The following FHIT variants were observed in gnomAD, a reference collection of about 807,000 sequenced individuals.
The protein encoded by FHIT is bis(5'-adenosyl)-triphosphatase.
Under a neutral mutation model 17.9 loss-of-function variants are expected in FHIT, and 19 were observed. That is an observed-to-expected ratio of 1.06 (90% CI 0.74 to 1.56). FHIT has a LOEUF of 1.56. FHIT is among the 40% of genes most tolerant of loss of function. FHIT has a pLI of 0.00. For synonymous variants in FHIT, 81 were observed against 69.7 expected, an observed-to-expected ratio of 1.16 and a Z score of -0.81; for missense variants, 248 against 189.2, an observed-to-expected ratio of 1.31 and a Z score of -1.82.
chr3:61,099,371 C>T (rs2106842633), intron 2 of FHIT, among the ~76,000 whole-genome samples: 1 of 150,762 alleles, frequency 6.6e-6, no homozygotes, highest in Admixed American at 6.6e-5. Context: ...GGATATTGGC[C>T]TGCAGTTTTT....
At chr3:60,566,615 C>G (rs528530781) in intron 4 of FHIT, among the ~76,000 whole-genome samples, 3 of 152,014 alleles carry the variant, frequency 2.0e-5, no homozygotes, top group African/African-American at 7.2e-5. Context: ...CCAGGGCAAT[C>G]AGGCAGGAGA....
intron 4 of FHIT, among the ~76,000 whole-genome samples, chr3:60,788,692 T>C (rs1005094602): frequency 6.6e-6 from 1 of 152,144 alleles, no homozygotes; most frequent in Non-Finnish European, 1.5e-5. Flanking sequence ...TAAGTGAATA[T>C]TCCTACTCCA....
chr3:60,252,115 T>C (rs182195082), intron 5 of FHIT, among the ~76,000 whole-genome samples: 174 of 152,344 alleles, frequency 1.1e-3, no homozygotes, highest in African/African-American at 4.0e-3. Flanking sequence ...GCAAGCATAT[T>C]AATGTATTAA....
chr3:60,721,912 G>C (rs1011959221), intron 4 of FHIT, among the ~76,000 whole-genome samples: 8 of 152,140 alleles, frequency 5.3e-5, no homozygotes, highest in African/African-American at 1.7e-4. Flanking sequence ...ATGGTAATAT[G>C]TACTTCATGC....
chr3:60,789,175 T>C (rs11706267), intron 4 of FHIT, among the ~76,000 whole-genome samples: 4 of 102,688 alleles, frequency 3.9e-5, no homozygotes, highest in Admixed American at 3.0e-4. Context: ...TATATATATA[T>C]AGAGAGAGAG....
At chr3:61,207,682 T>A (rs1194406363) in intron 1 of FHIT, among the ~76,000 whole-genome samples, 1 of 152,216 alleles carries the variant, frequency 6.6e-6, no homozygotes, top group Non-Finnish European at 1.5e-5. Context: ...TTATCATTTT[T>A]ATTGTGTCTA....
chr3:60,372,784 T>C (rs7636619), intron 5 of FHIT, among the ~76,000 whole-genome samples: 52,033 of 152,064 alleles, frequency 0.34, 9,319 homozygotes, highest in Non-Finnish European at 0.4. Flanking sequence ...TCACAGACTT[T>C]TTTTTTAAAA....
chr3:60,823,202 T>C (rs1029078775), intron 3 of FHIT, among the ~76,000 whole-genome samples: 1 of 152,054 alleles, frequency 6.6e-6, no homozygotes, highest in Non-Finnish European at 1.5e-5. Context: ...ACAAAATACA[T>C]ATGTAAAATA....
chr3:61,245,286 G>T (rs571589351), intron 1 of FHIT, among the ~76,000 whole-genome samples: 9 of 152,014 alleles, frequency 5.9e-5, no homozygotes, highest in Admixed American at 2.0e-4. Context: ...AGAAATTATC[G>T]CCCCCATTTC....
At chr3:61,157,743 T>G (rs908609439) in intron 2 of FHIT, among the ~76,000 whole-genome samples, 2 of 152,192 alleles carry the variant, frequency 1.3e-5, no homozygotes, top group Admixed American at 6.5e-5. Context: ...TTCTCACATA[T>G]GTACCAGGAA....
intron 4 of FHIT, among the ~76,000 whole-genome samples, chr3:60,677,604 GTA>G (rs1303142926): frequency 6.8e-6 from 1 of 147,232 alleles, no homozygotes; most frequent in African/African-American, 2.5e-5. Flanking sequence ...TGGTGTGTGT[GTA>G]TATATGTGTA....
At chr3:60,304,315 C>T (rs976364368) in intron 5 of FHIT, among the ~76,000 whole-genome samples, 12 of 151,990 alleles carry the variant, frequency 7.9e-5, no homozygotes, top group Admixed American at 1.3e-4. Context: ...AGAAAGATTC[C>T]TTTACTTTTA....
At chr3:60,689,300 C>G (rs568297840) in intron 4 of FHIT, among the ~76,000 whole-genome samples, 53 of 151,970 alleles carry the variant, frequency 3.5e-4, no homozygotes, top group African/African-American at 1.2e-3. Flanking sequence ...TTATCAGCAG[C>G]AGTAAAAAGG....
rs145977422 is a variant in FHIT, at chr3:59,976,849, C to T, written c.279+34522G>A. ...AACTTATACAACAAAGACATCCTGA[C>T]CCTCAGAGGTCAGAGAACTCAAGCA... On this transcript the variant is annotated intron_variant, in intron 7 of 9. Transcript: ENST00000492590. Among the ~76,000 whole-genome samples, 32 of 152,202 alleles carry T rather than the reference C, an allele frequency of 2.1e-4. 1 individual carries two copies. In the East Asian group the frequency reaches 5.6e-3, roughly 27 times the overall value.
rs570550098 is a variant in FHIT at position 61,247,276 on chromosome 3, C to G, written c.-213+4025G>C. Among the ~76,000 whole-genome samples the G allele has an allele frequency of 5.3e-4, 80 of 152,312 alleles. 2 individuals are homozygous for G. Among genetic ancestry groups the G allele is most frequent in the African/African-American group, 1.9e-3 (78 of 41,578 alleles). Reference sequence around the variant, plus strand: ...TCCTTCCCTGTTCCCTGCATCACTTCTTTTCAGTAACTCACCTCCTTATCG... The same window carrying G: ...TCCTTCCCTGTTCCCTGCATCACTTGTTTTCAGTAACTCACCTCCTTATCG... On this transcript the variant is annotated intron_variant, in intron 1 of 9. Transcript: ENST00000492590.
intron 5 of FHIT, among the ~76,000 whole-genome samples, chr3:60,153,896 AAGAACAAGATAGACAC>A (rs1700572867): frequency 6.6e-6 from 1 of 152,212 alleles, no homozygotes; most frequent in African/African-American, 2.4e-5. Flanking sequence ...GCATACAATG[AAGAACAAGATAGACAC>A]TGCTTTTGTT....
chr3:60,335,677 C>A (rs567967772), intron 5 of FHIT, among the ~76,000 whole-genome samples: 101 of 152,058 alleles, frequency 6.6e-4, no homozygotes, highest in Middle Eastern at 6.8e-3. Flanking sequence ...CACACACACA[C>A]AAAAAAGTAA....
At chr3:60,225,393 C>G (rs922647091) in intron 5 of FHIT, among the ~76,000 whole-genome samples, 3 of 152,140 alleles carry the variant, frequency 2.0e-5, no homozygotes, top group Non-Finnish European at 4.4e-5. Flanking sequence ...ACACCAAGTG[C>G]TGGAGGAAAG....
At chr3:60,364,614 A>G (rs1459470495) in intron 5 of FHIT, among the ~76,000 whole-genome samples, 1 of 152,236 alleles carries the variant, frequency 6.6e-6, no homozygotes, top group Non-Finnish European at 1.5e-5. Flanking sequence ...AGAAGGCTAT[A>G]TGTGTACATG....
Sources: allele counts gnomAD v4.1 joint callset (sites outside exome capture counted in the v4.1 genomes callset), GRCh38; gene constraint gnomAD v4.1.1; transcripts MANE v1.5; gene names NCBI Gene and HGNC (gene_info 2026-07-23, HGNC 2026-07-21).